The following FBXL13 variants were observed in gnomAD, a reference collection of about 807,000 sequenced individuals.
The protein encoded by FBXL13 is F-box and leucine rich repeat protein 13, also known as F-box and leucine-rich repeat protein 13.
Under a neutral mutation model 83.6 loss-of-function variants are expected in FBXL13, and 67 were observed. The ratio of observed to expected loss-of-function variants is 0.80; its 90% CI spans 0.66 to 0.98. The LOEUF (loss-of-function observed/expected upper bound fraction) is 0.98, where lower values mean the gene tolerates loss of function less well. Ranked by LOEUF, FBXL13 falls within the 50% of genes least tolerant of loss-of-function variation. The pLI is 0.00. For missense variants in FBXL13, 822 were observed against 866.5 expected (o/e 0.95, Z 0.64); for synonymous variants, 272 against 299.5 (o/e 0.91, Z 0.95).
chr7:102,873,002 A>C (rs996414119), intron 16 of FBXL13, among the ~76,000 whole-genome samples: 1 of 152,184 alleles, frequency 6.6e-6, no homozygotes, highest in Non-Finnish European at 1.5e-5. Context: ...TAAGAAACAC[A>C]AATCTTGAAA....
At chr7:103,068,214 G>A (rs1355578815) in intron 1 of FBXL13, among the ~76,000 whole-genome samples, 1 of 152,216 alleles carries the variant, frequency 6.6e-6, no homozygotes, top group Non-Finnish European at 1.5e-5. Context: ...AAGGAAGATG[G>A]TGAGCCAGAT....
chr7:103,031,953 T>C (rs2129489487), intron 2 of FBXL13, among the ~76,000 whole-genome samples: 1 of 152,310 alleles, frequency 6.6e-6, no homozygotes, highest in South Asian at 2.1e-4. Flanking sequence ...ACTGCTGTGA[T>C]TAGTCACTAT....
chr7:102,841,176 A>G (rs1802863970), intron 17 of FBXL13, among the ~76,000 whole-genome samples: 1 of 152,356 alleles, frequency 6.6e-6, no homozygotes, highest in African/African-American at 2.4e-5. Context: ...CATAGGTTTA[A>G]AAAACAAAAG....
At chr7:102,975,902 G>T in intron 6 of FBXL13, 1 of 757,546 alleles carries the variant, frequency 1.3e-6, no homozygotes. Flanking sequence ...GGCCCTGCAG[G>T]CCATGGGGCC....
chr7:102,966,160 C>T (rs1825948386), intron 7 of FBXL13, among the ~76,000 whole-genome samples: 1 of 152,234 alleles, frequency 6.6e-6, no homozygotes, highest in Non-Finnish European at 1.5e-5. Flanking sequence ...CCTATCTTAG[C>T]TAACAAATTA....
chr7:102,989,878 G>A (rs532705525), intron 6 of FBXL13, among the ~76,000 whole-genome samples: 1 of 152,230 alleles, frequency 6.6e-6, no homozygotes, highest in Admixed American at 6.5e-5. Context: ...CTCTAAAATT[G>A]CTGTATATGT....
At chr7:102,946,736 G>A (rs767643566) in intron 8 of FBXL13, among the ~76,000 whole-genome samples, 13 of 151,460 alleles carry the variant, frequency 8.6e-5, no homozygotes, top group Non-Finnish European at 1.6e-4. Context: ...GTGCAGTGTT[G>A]CAATCTCGGC....
At chr7:102,988,604 T>G (rs1040240609) in intron 6 of FBXL13, 3 of 152,162 alleles carry the variant, frequency 2.0e-5, no homozygotes, top group African/African-American at 7.2e-5. Flanking sequence ...AAGAACACAG[T>G]GGGGACTTAG....
At chr7:102,844,729 G>A (rs1452008019) in intron 17 of FBXL13, among the ~76,000 whole-genome samples, 1 of 152,152 alleles carries the variant, frequency 6.6e-6, no homozygotes, top group Non-Finnish European at 1.5e-5. Flanking sequence ...ATTAACTGGA[G>A]TTAGCACAGA....
At chr7:102,978,147 C>T (rs942030759) in intron 6 of FBXL13, among the ~76,000 whole-genome samples, 12 of 152,072 alleles carry the variant, frequency 7.9e-5, no homozygotes, top group African/African-American at 2.9e-4. Context: ...CCAGACAATC[C>T]AGACAATGCT....
At chr7:103,071,551 CTTTTTTTTTTT>C (rs774310534) in intron 1 of FBXL13, among the ~76,000 whole-genome samples, 2 of 126,208 alleles carry the variant, frequency 1.6e-5, no homozygotes, top group African/African-American at 5.9e-5. Context: ...GACAAGTTAG[CTTTTTTTTTTT>C]TTTTTTTTTA....
At chr7:102,860,389 G>A (rs1313418647) in intron 16 of FBXL13, among the ~76,000 whole-genome samples, 5 of 152,206 alleles carry the variant, frequency 3.3e-5, no homozygotes, top group Admixed American at 1.3e-4. Context: ...TAAAGATTAA[G>A]TATCATTTTG....
chr7:102,966,706 ATCC>A (rs1826000589), intron 7 of FBXL13, among the ~76,000 whole-genome samples: 1 of 152,200 alleles, frequency 6.6e-6, no homozygotes, highest in Non-Finnish European at 1.5e-5. Flanking sequence ...ATGTTGCTCC[ATCC>A]TCCTATTTCT....
chr7:103,028,156 A>T (rs1451614854), intron 4 of FBXL13, among the ~76,000 whole-genome samples: 1 of 152,180 alleles, frequency 6.6e-6, no homozygotes, highest in African/African-American at 2.4e-5. Flanking sequence ...TGTACCTCCC[A>T]CCCACTCAGT....
intron 8 of FBXL13, among the ~76,000 whole-genome samples, chr7:102,951,306 G>A (rs1163749062): frequency 6.6e-6 from 1 of 151,198 alleles, no homozygotes; most frequent in South Asian, 2.1e-4. Flanking sequence ...ATCTCCACTA[G>A]CAGAGGTTGC....
intron 16 of FBXL13, 77 bp from the exon 18 acceptor site, chr7:102,854,937 C>G (rs1805816474): frequency 1.3e-6 from 1 of 764,756 alleles, no homozygotes; most frequent in Non-Finnish European, 2.0e-6. Flanking sequence ...ACCATTTATA[C>G]AAACTGACAA....
At chr7:103,048,840 C>A (rs1045114406) in intron 2 of FBXL13, among the ~76,000 whole-genome samples, 1 of 152,000 alleles carries the variant, frequency 6.6e-6, no homozygotes, top group African/African-American at 2.4e-5. Flanking sequence ...ATCCTTTAAC[C>A]CATTAAACTA....
At chr7:102,973,714 TCCTCAGCC>T (rs756444944) in intron 6 of FBXL13, 9 of 766,204 alleles carry the variant, frequency 1.2e-5, no homozygotes, top group Non-Finnish European at 1.7e-5. Flanking sequence ...CAAAGGAAGC[TCCTCAGCC>T]TCCAGTTGCT....
At chr7:102,970,794 T>C (rs1054161468) in intron 6 of FBXL13, among the ~76,000 whole-genome samples, 2 of 152,196 alleles carry the variant, frequency 1.3e-5, no homozygotes, top group Admixed American at 6.5e-5. Flanking sequence ...AATATAGTTA[T>C]TGAAATTTAA....
Sources: allele counts gnomAD v4.1 joint callset (sites outside exome capture counted in the v4.1 genomes callset), GRCh38; gene constraint gnomAD v4.1.1; transcripts MANE v1.5; gene names NCBI Gene and HGNC (gene_info 2026-07-23, HGNC 2026-07-21).